The following LGMN variants were observed in gnomAD, a reference collection of about 807,000 sequenced individuals.
LGMN encodes the protein legumain.
LGMN carries 36 observed loss-of-function variants against 56.8 expected under a neutral mutation model. That is an observed-to-expected ratio of 0.63 (90% CI 0.49 to 0.84). The LOEUF (loss-of-function observed/expected upper bound fraction) is 0.84, where lower values mean the gene tolerates loss of function less well. Ranked by LOEUF, LGMN falls within the 40% of genes least tolerant of loss-of-function variation. The pLI, the probability that LGMN is intolerant of heterozygous loss-of-function variation, is 0.00. For synonymous variants in LGMN, 199 were observed against 210.1 expected, an observed-to-expected ratio of 0.95 and a Z score of 0.46; for missense variants, 446 against 556.1, an observed-to-expected ratio of 0.80 and a Z score of 1.99.
In LGMN at chr14:92,719,108, A is replaced by G. The variant is rs112059235; in HGVS notation, c.139-264T>C. ...ATTGCACATGTGAGCACACGTGCAC[A>G]TACACACCCCACCACCACAACCACC... On this transcript the variant is annotated intron_variant, in intron 2 of 13. Coordinates refer to ENST00000334869, the MANE Select transcript of LGMN (RefSeq NM_005606.7). Among the ~76,000 whole-genome samples the G allele has an allele frequency of 9.2e-3, 1,389 of 151,210 alleles. 28 individuals are homozygous for G. Among genetic ancestry groups the G allele is most frequent in the African/African-American group, 0.031 (1,297 of 41,258 alleles).
chr14:92,717,951 C>T (rs1029871707), intron 3 of LGMN, among the ~76,000 whole-genome samples: 2 of 152,150 alleles, frequency 1.3e-5, no homozygotes, highest in African/African-American at 4.8e-5. Flanking sequence ...GGTTAGAACT[C>T]GCTGAGTTTA....
chr14:92,729,188 G>A (rs1460781720), intron 2 of LGMN, among the ~76,000 whole-genome samples: 1 of 139,014 alleles, frequency 7.2e-6, no homozygotes, highest in Admixed American at 8.1e-5. Flanking sequence ...AGGTGCCTGC[G>A]CACCTCTGCC....
chr14:92,742,775 T>C (rs1213924672), intron 1 of LGMN: 1 of 152,252 alleles, frequency 6.6e-6, no homozygotes, highest in Non-Finnish European at 1.5e-5. Context: ...CTGGGCGTGG[T>C]GGCTCGTGCC....
chr14:92,732,842 A>G, intron 1 of LGMN, 27 bp from the exon 2 acceptor site: 1 of 1,583,398 alleles, frequency 6.3e-7, no homozygotes, highest in Non-Finnish European at 8.6e-7. Flanking sequence ...AGAGTCAAGT[A>G]CAAAGCAACA....
At chr14:92,736,894 A>G (rs912809393) in intron 1 of LGMN, among the ~76,000 whole-genome samples, 1 of 152,220 alleles carries the variant, frequency 6.6e-6, no homozygotes, top group Admixed American at 6.5e-5. Context: ...AAGAAGCAAC[A>G]GTGAGGACAG....
intron 2 of LGMN, among the ~76,000 whole-genome samples, chr14:92,719,378 C>T (rs1197162515): frequency 6.8e-6 from 1 of 146,654 alleles, no homozygotes; most frequent in Admixed American, 6.7e-5. Context: ...ACCACCAACA[C>T]CGCCACCAAC....
chr14:92,744,211 T>C (rs1182550869), intron 1 of LGMN, among the ~76,000 whole-genome samples: 1 of 152,162 alleles, frequency 6.6e-6, no homozygotes, highest in Non-Finnish European at 1.5e-5. Flanking sequence ...TTTATTGTTG[T>C]TTTTTCCTAC....
intron 2 of LGMN, among the ~76,000 whole-genome samples, chr14:92,720,665 C>T (rs72701829): frequency 0.022 from 3,388 of 152,254 alleles, 56 homozygotes; most frequent in Non-Finnish European, 0.035. Flanking sequence ...AAAACTCTGT[C>T]GATTGTTAGA....
intron 4 of LGMN, among the ~76,000 whole-genome samples, chr14:92,717,162 A>G (rs1269763260): frequency 6.6e-6 from 1 of 152,218 alleles, no homozygotes; most frequent in Non-Finnish European, 1.5e-5. Flanking sequence ...ACTGGGAACT[A>G]TCAGTGGATT....
In LGMN at chr14:92,714,375, C is replaced by T. The variant is rs1889954734; in HGVS notation, c.480+1G>A. On this transcript the variant is annotated splice_donor_variant, in intron 6 of 13. Coordinates refer to ENST00000334869, the MANE Select transcript of LGMN (RefSeq NM_005606.7). LOFTEE classifies it high-confidence loss of function. This position sits in a 1 kb window ranked among gnomAD's most constrained non-coding sequence, Gnocchi z 5.1. Reference sequence around the variant, plus strand: ...GTCCTTAAAACGTTAAGAAAACTCACATCTTCATTGGGAAAAACCAGTATT... The same window carrying T: ...GTCCTTAAAACGTTAAGAAAACTCATATCTTCATTGGGAAAAACCAGTATT... The T allele has an allele frequency of 6.3e-7, 1 of 1,597,714 alleles. No homozygotes were observed. The highest frequency in any genetic ancestry group is 8.6e-7 in the Non-Finnish European group (1 of 1,165,300).
intron 1 of LGMN, among the ~76,000 whole-genome samples, chr14:92,743,312 T>A (rs1319577572): frequency 6.6e-6 from 1 of 151,798 alleles, no homozygotes; most frequent in Non-Finnish European, 1.5e-5. Context: ...CCATCCTGAC[T>A]AACACAGTGA....
intron 2 of LGMN, among the ~76,000 whole-genome samples, chr14:92,731,373 C>A (rs1891042194): frequency 6.6e-6 from 1 of 152,236 alleles, no homozygotes; most frequent in South Asian, 2.1e-4. Flanking sequence ...CTAGTATGTT[C>A]ACCAAGTTGT....
In LGMN at chr14:92,714,689, A is replaced by C. The variant is rs1178643194; in HGVS notation, c.405-238T>G. On this transcript the variant is annotated intron_variant, in intron 5 of 13. Coordinates refer to ENST00000334869, the MANE Select transcript of LGMN (RefSeq NM_005606.7). The surrounding 1 kb of genome is among the most constrained non-coding windows in gnomAD (Gnocchi z 5.1). ...CCTCCAAATTCTGAACTACGGCTGG[A>C]AAGGAGGAGGGGCCTTTCCTGGGCA... Among the ~76,000 whole-genome samples, 2 of 152,182 alleles carry C rather than the reference A, an allele frequency of 1.3e-5. No individual in the cohort carries two copies.
At chr14:92,712,693 CCCAGG>C (rs1889843567) in intron 8 of LGMN, 107 bp downstream of exon 8, 2 of 951,912 alleles carry the variant, frequency 2.1e-6, no homozygotes, top group Admixed American at 4.0e-5. Context: ...ACTTCTATGG[CCCAGG>C]CTGCCCTCAG....
intron 4 of LGMN, 133 bp from the exon 5 acceptor site, chr14:92,716,354 C>T (rs899817558): frequency 1.4e-5 from 10 of 715,008 alleles, no homozygotes; most frequent in African/African-American, 3.5e-5. Context: ...CACTTTTGGT[C>T]GGGTGCCGTG....
chr14:92,704,394 C>T (rs958310827), intron 13 of LGMN, 33 bp from the exon 14 acceptor site: 4 of 1,550,922 alleles, frequency 2.6e-6, no homozygotes, highest in South Asian at 2.3e-5. Flanking sequence ...CTTGGTGAAC[C>T]GTGTCAACTC....
At chr14:92,747,196 A>G (rs1891859341) in intron 1 of LGMN, among the ~76,000 whole-genome samples, 1 of 152,172 alleles carries the variant, frequency 6.6e-6, no homozygotes, top group African/African-American at 2.4e-5. Context: ...GGTTCTGCCC[A>G]GCCCTCAAAC....
intron 7 of LGMN, 81 bp downstream of exon 7, chr14:92,713,742 G>C: frequency 4.3e-6 from 4 of 935,240 alleles, no homozygotes; most frequent in Non-Finnish European, 7.1e-6. Flanking sequence ...GTTGGAGGAC[G>C]GTCACGGGAC....
At chr14:92,729,605 G>A (rs1156442887) in intron 2 of LGMN, among the ~76,000 whole-genome samples, 1 of 151,924 alleles carries the variant, frequency 6.6e-6, no homozygotes, top group Non-Finnish European at 1.5e-5. Context: ...ATTTATTTGT[G>A]CCTGGTGTGC....
Sources: gnomAD v4.1 joint callset for allele counts (sites outside exome capture counted in the v4.1 genomes callset) on GRCh38, gnomAD v4.1.1 for gene constraint, Gnocchi (gnomAD v3.1) non-coding constraint, MANE v1.5 for transcripts, NCBI Gene and HGNC (gene_info 2026-07-23, HGNC 2026-07-21) for gene names.